CENPF: variants seen among roughly 807,000 people sequenced by gnomAD.
The protein encoded by CENPF is centromere protein F, also known as AH antigen.
Under a neutral mutation model 307.3 loss-of-function variants are expected in CENPF, and 214 were observed. The ratio of observed to expected loss-of-function variants is 0.70; its 90% CI spans 0.62 to 0.78. The LOEUF (loss-of-function observed/expected upper bound fraction) is 0.78, where lower values mean the gene tolerates loss of function less well. CENPF is among the 30% of genes least tolerant of loss of function. The pLI, the probability that CENPF is intolerant of heterozygous loss-of-function variation, is 0.00. For synonymous variants in CENPF, 1,259 were observed against 1,270.6 expected (o/e 0.99, Z 0.19); for missense variants, 3,401 against 3,483.9 (o/e 0.98, Z 0.60).
chr1:214,645,607 A>C lies in CENPF; in HGVS notation c.6037A>C (p.Thr2013Pro), dbSNP rs1658271110. 1 of 1,614,048 alleles carries C rather than the reference A, an allele frequency of 6.2e-7. No homozygotes were observed. Among genetic ancestry groups the C allele is most frequent in the Non-Finnish European group, 8.5e-7 (1 of 1,180,036 alleles). Reference sequence around the variant, plus strand: ...GGCAGAGGCAGAGGTGAAGGAAAAGACGGAACTCCTTCAGACTTTGTCCTC... The same window carrying C: ...GGCAGAGGCAGAGGTGAAGGAAAAGCCGGAACTCCTTCAGACTTTGTCCTC... ...QVAEAEVKEK[T>P]ELLQTLSSDV... is the part of the protein sequence containing the mutation. Residue 2013 changes from threonine (T) to proline (P), a missense_variant, in exon 13 of 20, where the codon ACG (threonine) becomes CCG (proline). By Grantham distance (38) the Thr-to-Pro change is conservative. Coordinates refer to ENST00000366955, the MANE Select transcript of CENPF (RefSeq NM_016343.4).
Position 214,622,095 on chromosome 1 carries a change from T to A in CENPF, c.882T>A (p.Ile294=). The A allele has an allele frequency of 6.2e-7, 1 of 1,613,566 alleles. No individual in the cohort carries two copies. The highest frequency in any genetic ancestry group is 8.5e-7 in the Non-Finnish European group (1 of 1,179,836). The change falls in exon 7 of 20, where the codon ATT becomes ATA. Residue 294 remains isoleucine (I), a synonymous_variant. Coordinates refer to ENST00000366955, the MANE Select transcript of CENPF (RefSeq NM_016343.4). ...TGGTTCAAGAGCTAAGAAACAAGAT[T>A]AATGAGTTGGAACTACGCCTGCAAG... The part of the protein sequence containing the change: ...KAQNQELRNK[I]NELELRLQGH...
At chr1:214,605,115 A>G (rs1656987619) in intron 1 of CENPF, among the ~76,000 whole-genome samples, 1 of 152,150 alleles carries the variant, frequency 6.6e-6, no homozygotes, top group Admixed American at 6.5e-5. Flanking sequence ...CTTTTTGTTT[A>G]TGTTCTGAAG....
At chr1:214,629,830 G>A (rs1266888223) in intron 8 of CENPF, among the ~76,000 whole-genome samples, 1 of 152,190 alleles carries the variant, frequency 6.6e-6, no homozygotes, top group African/African-American at 2.4e-5. Context: ...GGGATTACAG[G>A]CATGAGCCAC....
rs1657425140 is a variant in CENPF at position 214,618,666 on chromosome 1, T to C, written c.453T>C (p.Thr151=). ...ATACACCACAAAAAATTTTTACAACTCCACTAACACCAAGTCAATATTATA... is the reference window on the plus strand; with the variant it reads ...ATACACCACAAAAAATTTTTACAACCCCACTAACACCAAGTCAATATTATA... ...PCNTPQKIFT[T]PLTPSQYYSG... is the part of the protein sequence containing the mutation. Residue 151 remains threonine (T), a synonymous_variant, in exon 4 of 20, where the codon ACT becomes ACC. Coordinates refer to ENST00000366955, the MANE Select transcript of CENPF (RefSeq NM_016343.4). 1 of 1,613,894 alleles carries C rather than the reference T, an allele frequency of 6.2e-7. No homozygotes were observed. The highest frequency in any genetic ancestry group is 1.7e-5 in the Admixed American group (1 of 59,980).
At chr1:214,618,993 T>G (rs956755673) in intron 4 of CENPF, 136 bp from the exon 5 acceptor site, 2 of 596,078 alleles carry the variant, frequency 3.4e-6, no homozygotes, top group Non-Finnish European at 3.0e-6. Context: ...GATCAATAGT[T>G]TGATCTATTT....
chr1:214,656,896 T>A, intron 17 of CENPF, 37 bp from the exon 18 acceptor site: 1 of 1,348,668 alleles, frequency 7.4e-7, no homozygotes, highest in South Asian at 1.4e-5. Context: ...TAGAGAAGCA[T>A]CAAGTTGCAC....
chr1:214,652,450 T>C (rs1440706574), intron 15 of CENPF, among the ~76,000 whole-genome samples: 4 of 149,166 alleles, frequency 2.7e-5, no homozygotes, highest in Admixed American at 6.6e-5. Flanking sequence ...TTTTCTTTTT[T>C]TTTTTTTTTT....
intron 3 of CENPF, among the ~76,000 whole-genome samples, chr1:214,617,763 G>A (rs913806923): frequency 6.6e-6 from 1 of 151,990 alleles, no homozygotes; most frequent in African/African-American, 2.4e-5. Flanking sequence ...CTATTCTCAC[G>A]ATTTGAGCCC....
chr1:214,632,861 C>T (rs1657847381), intron 10 of CENPF, among the ~76,000 whole-genome samples: 2 of 152,098 alleles, frequency 1.3e-5, no homozygotes, highest in African/African-American at 2.4e-5. Context: ...TATGTGTCTA[C>T]AACATGACTT....
chr1:214,628,011 G>A (rs188150537), intron 7 of CENPF, among the ~76,000 whole-genome samples: 151 of 152,234 alleles, frequency 9.9e-4, no homozygotes, highest in South Asian at 3.9e-3. Context: ...ACAGAGTGTT[G>A]AGCTGGCAGC....
chr1:214,612,394 TG>T (rs1657223602), intron 1 of CENPF, among the ~76,000 whole-genome samples: 1 of 152,202 alleles, frequency 6.6e-6, no homozygotes, highest in African/African-American at 2.4e-5. Flanking sequence ...TGAGGAATTT[TG>T]CATCGTTGAT....
In CENPF at chr1:214,622,223, A is replaced by G. The variant is rs1398234671; in HGVS notation, c.1010A>G (p.Asn337Ser). The change falls in exon 7 of 20, where the codon AAC (asparagine) becomes AGC (serine). Residue 337 changes from asparagine to serine, a missense_variant. Asn to Ser is a conservative substitution (Grantham distance 46, BLOSUM62 1). Transcript: ENST00000366955. ...VELIEKEKVL[N>S]KCRDELVRTT... ...TTAATTGAAAAAGAGAAAGTTTTGA[A>G]CAAATGTAGGGATGAACTAGTGAGA... The G allele has an allele frequency of 1.2e-6, 2 of 1,614,114 alleles. No homozygotes were observed. The highest frequency in any genetic ancestry group is 1.7e-6 in the Non-Finnish European group (2 of 1,179,996).
At chr1:214,656,004 T>C (rs923159542) in intron 17 of CENPF, among the ~76,000 whole-genome samples, 3 of 152,210 alleles carry the variant, frequency 2.0e-5, no homozygotes, top group African/African-American at 2.4e-5. Context: ...TTTATGTCGA[T>C]GTCCAGTTAC....
In CENPF at chr1:214,632,527, G is replaced by A; in HGVS notation, c.1371G>A (p.Lys457=). 1.2e-6 allele frequency: 2 copies of A among 1,614,112 alleles called. No individual in the cohort carries two copies. The highest frequency in any genetic ancestry group is 4.5e-5 in the East Asian group (2 of 44,868). Residue 457 remains lysine, a synonymous_variant, in exon 10 of 20, where the codon AAG becomes AAA. Transcript: ENST00000366955. ...QQLENNLEEF[K]QKLCRAEQAF... ...TAGAAAACAATTTGGAAGAGTTTAAGCAAAAGTTGTGCAGAGCTGAACAGG... is the reference window on the plus strand; with the variant it reads ...TAGAAAACAATTTGGAAGAGTTTAAACAAAAGTTGTGCAGAGCTGAACAGG...
chr1:214,605,582 G>A (rs1303160454), intron 1 of CENPF: 13 of 1,090,664 alleles, frequency 1.2e-5, no homozygotes, highest in Non-Finnish European at 1.4e-5. Context: ...CCCCTGGGCC[G>A]CCCGGGGGTC....
rs138811221 is a variant in CENPF at position 214,652,249 on chromosome 1, A to G, written c.8160+363A>G. Among the ~76,000 whole-genome samples, 1,464 of 150,882 alleles carry G rather than the reference A, an allele frequency of 9.7e-3. 16 individuals are homozygous for G. Among genetic ancestry groups the G allele is most frequent in the Non-Finnish European group, 0.017 (1,147 of 67,706 alleles). On this transcript the variant is annotated intron_variant, in intron 15 of 19. Coordinates refer to ENST00000366955, the MANE Select transcript of CENPF (RefSeq NM_016343.4). ...ATGGGGTTTCACTGTGTTAGCCAGG[A>G]TGGTCTCGATCTCCTGATCTTGTGA... is the stretch of plus-strand genomic sequence containing the variant.
intron 1 of CENPF, chr1:214,608,262 T>C (rs1657094132): frequency 1.3e-6 from 2 of 1,520,280 alleles, no homozygotes; most frequent in Admixed American, 3.9e-5. Context: ...GCCCCCGGCC[T>C]GGTCCCCTCT....
Position 214,647,179 on chromosome 1 carries a change from C to T in CENPF, c.7609C>T (p.Leu2537Phe). The T allele has an allele frequency of 1.9e-6, 3 of 1,614,072 alleles. No individual in the cohort carries two copies. The highest frequency in any genetic ancestry group is 2.5e-6 in the Non-Finnish European group (3 of 1,179,990). The stretch of plus-strand genomic sequence containing the variant: ...AAATCAAATTCAAGACCAAGAGCAG[C>T]TTGTCTCTAAACTGTCCCAGGTGGA... ...LKNQIQDQEQ[L>F]VSKLSQVEGE... The change falls in exon 13 of 20, where the codon CTT becomes TTT. Residue 2537 changes from leucine (L) to phenylalanine (F), a missense_variant. Physicochemically the swap from Leu to Phe is conservative, Grantham distance 22. Transcript: ENST00000366955.
intron 10 of CENPF, among the ~76,000 whole-genome samples, chr1:214,634,366 C>G (rs79953696): frequency 0.047 from 7,212 of 152,176 alleles, 237 homozygotes; most frequent in East Asian, 0.12. Context: ...ACTGATGAAC[C>G]CAGTTAGAGT....
Sources: allele counts gnomAD v4.1 joint callset (sites outside exome capture counted in the v4.1 genomes callset), GRCh38; gene constraint gnomAD v4.1.1; transcripts MANE v1.5; gene names NCBI Gene and HGNC (gene_info 2026-07-23, HGNC 2026-07-21).